Variants in FCHO2 observed in about 807,000 individuals in gnomAD.
FCHO2 encodes the protein FCH and mu domain containing endocytic adaptor 2.
A neutral mutation model predicts 114.1 loss-of-function variants in FCHO2; 43 were observed. That is an observed-to-expected ratio of 0.38 (90% CI 0.30 to 0.49). The LOEUF is 0.49. Ranked by LOEUF, FCHO2 falls within the 20% of genes least tolerant of loss-of-function variation. The probability of loss-of-function intolerance (pLI) is 0.97; values close to 1 mark genes in which losing one functional copy is unlikely to be tolerated. For missense variants in FCHO2, 807 were observed against 950.4 expected (o/e 0.85, Z 1.98); for synonymous variants, 293 against 315.2 (o/e 0.93, Z 0.75).
At chr5:73,021,116 GT>G in intron 8 of FCHO2, 1 of 787,130 alleles carries the variant, frequency 1.3e-6, no homozygotes, top group East Asian at 2.4e-5. Flanking sequence ...TTGATGACAA[GT>G]TCTGGAATCC....
At position 73,051,411 on chromosome 5, in the gene FCHO2, C is replaced by T. The variant is rs1757330379; in HGVS notation, c.997+5C>T. On this transcript the variant is annotated splice_donor_5th_base_variant and intron_variant, in intron 12 of 25. Coordinates refer to ENST00000430046, the MANE Select transcript of FCHO2 (RefSeq NM_138782.3). ...AACCAGAAACAAATCAGAATGATAT[C>T]CTTTCATCATCTAGTATTCTTAAGG... The T allele has an allele frequency of 6.6e-7, 1 of 1,506,064 alleles. No homozygotes were observed. The highest frequency in any genetic ancestry group is 9.0e-7 in the Non-Finnish European group (1 of 1,110,212). 93.3% of individuals were successfully genotyped at this position (1,506,064 alleles called of 1,614,324 possible). A position where few individuals can be genotyped will look rare whatever the true frequency, so the allele number is the denominator to read the frequency against.
At chr5:73,057,421 G>T (rs769689975) in intron 16 of FCHO2, among the ~76,000 whole-genome samples, 1 of 152,084 alleles carries the variant, frequency 6.6e-6, no homozygotes, top group African/African-American at 2.4e-5. Flanking sequence ...TATCATACGA[G>T]GTATAGTGTG....
intron 2 of FCHO2, among the ~76,000 whole-genome samples, chr5:72,971,169 A>G (rs1232580445): frequency 1.3e-5 from 2 of 152,054 alleles, no homozygotes; most frequent in Non-Finnish European, 2.9e-5. Context: ...ATACATATGC[A>G]TGTGTCTTTA....
rs561344286 is a variant in FCHO2, at chr5:73,024,595, C to A, written c.796+7287C>A. ...CTGGGATTACAGGTGCCCACCACCA[C>A]ACCTGGCTAATTTTTGTATTTTTAG... On this transcript the variant is annotated intron_variant, in intron 8 of 25. Coordinates refer to ENST00000430046, the MANE Select transcript of FCHO2 (RefSeq NM_138782.3). 2.1e-4 allele frequency among the ~76,000 whole-genome samples: 32 copies of A among 152,134 alleles called. No individual in the cohort carries two copies. In the South Asian group the frequency reaches 3.9e-3, roughly 19 times the overall value.
chr5:73,078,386 T>TAC (rs1418439531), intron 22 of FCHO2, 74 bp downstream of exon 22: 11 of 1,323,664 alleles, frequency 8.3e-6, no homozygotes, highest in Non-Finnish European at 1.0e-5. Context: ...AATGAATAAG[T>TAC]ATGTCATAGC....
intron 5 of FCHO2, among the ~76,000 whole-genome samples, chr5:73,002,176 A>G (rs923742579): frequency 2.8e-4 from 42 of 152,168 alleles, no homozygotes; most frequent in Non-Finnish European, 5.4e-4. Flanking sequence ...CATGAGAGGA[A>G]AAAAAGAAAT....
At chr5:73,049,703 C>T (rs185243209) in intron 11 of FCHO2, among the ~76,000 whole-genome samples, 1 of 152,074 alleles carries the variant, frequency 6.6e-6, no homozygotes, top group Non-Finnish European at 1.5e-5. Context: ...GACCAGAAAA[C>T]CCCTTCTTGA....
At position 73,052,327 on chromosome 5, in the gene FCHO2, C is replaced by A; in HGVS notation, c.998-5C>A. 1 of 1,599,088 alleles carries A rather than the reference C, an allele frequency of 6.3e-7. No homozygotes were observed. On this transcript the variant is annotated splice_region_variant and splice_polypyrimidine_tract_variant and intron_variant, in intron 12 of 25. Coordinates refer to ENST00000430046, the MANE Select transcript of FCHO2 (RefSeq NM_138782.3). ...TTTAAAAACAATTCTTTAACTGAAA[C>A]TCACATACCAAAGAGAACCATTTCT...
intron 1 of FCHO2, among the ~76,000 whole-genome samples, chr5:72,966,015 T>TA (rs1752179791): frequency 6.6e-6 from 1 of 152,220 alleles, no homozygotes; most frequent in Admixed American, 6.5e-5. Flanking sequence ...ACCAATTTTT[T>TA]AATCAGTAAT....
chr5:72,983,829 G>C (rs1448379794), intron 2 of FCHO2, among the ~76,000 whole-genome samples: 1 of 151,368 alleles, frequency 6.6e-6, no homozygotes, highest in Non-Finnish European at 1.5e-5. Flanking sequence ...AAGTAATGTT[G>C]CCTTGAATAG....
At chr5:73,035,972 A>G (rs1756481279) in intron 9 of FCHO2, among the ~76,000 whole-genome samples, 1 of 151,902 alleles carries the variant, frequency 6.6e-6, no homozygotes, top group African/African-American at 2.4e-5. Flanking sequence ...CCTCCCAAGT[A>G]GCCGGGATTA....
chr5:73,035,941 C>CGGAT (rs1756479707), intron 9 of FCHO2, among the ~76,000 whole-genome samples: 1 of 152,016 alleles, frequency 6.6e-6, no homozygotes, highest in African/African-American at 2.4e-5. Context: ...CCTTCTGGTT[C>CGGAT]GGATGATTCT....
chr5:73,063,697 C>A, intron 17 of FCHO2, 144 bp from the exon 18 acceptor site: 2 of 697,310 alleles, frequency 2.9e-6, no homozygotes, highest in Non-Finnish European at 2.5e-6. Context: ...CCCAATATTT[C>A]AACATCTATA....
At chr5:73,057,784 G>A (rs1381200419) in intron 16 of FCHO2, among the ~76,000 whole-genome samples, 1 of 152,120 alleles carries the variant, frequency 6.6e-6, no homozygotes, top group East Asian at 1.9e-4. Flanking sequence ...ATTTAGACGT[G>A]TGCTGCTCTT....
intron 1 of FCHO2, among the ~76,000 whole-genome samples, chr5:72,966,204 C>A (rs1752191528): frequency 6.6e-6 from 1 of 152,108 alleles, no homozygotes; most frequent in Non-Finnish European, 1.5e-5. Context: ...ATAGCGAGAC[C>A]CTGTTTCTAC....
intron 17 of FCHO2, among the ~76,000 whole-genome samples, chr5:73,060,329 T>C (rs1214388458): frequency 6.6e-6 from 1 of 151,994 alleles, no homozygotes; most frequent in African/African-American, 2.4e-5. Context: ...AAAAAAAAAG[T>C]TAATGATGCT....
At chr5:72,998,466 A>C (rs576881017) in intron 5 of FCHO2, among the ~76,000 whole-genome samples, 3 of 152,092 alleles carry the variant, frequency 2.0e-5, no homozygotes, top group African/African-American at 7.2e-5. Flanking sequence ...CAGTCTGGGC[A>C]ACAGAGCGAA....
intron 8 of FCHO2, among the ~76,000 whole-genome samples, chr5:73,033,482 A>G (rs1221481253): frequency 8.5e-5 from 13 of 152,168 alleles, no homozygotes; most frequent in African/African-American, 2.9e-4. Flanking sequence ...TTTCTTTTTT[A>G]ATGGAATGAT....
At chr5:73,035,796 C>A (rs1756470024) in intron 9 of FCHO2, among the ~76,000 whole-genome samples, 1 of 152,004 alleles carries the variant, frequency 6.6e-6, no homozygotes, top group Non-Finnish European at 1.5e-5. Flanking sequence ...GCCACCACAC[C>A]CAGTCTCTAC....
Sources: allele counts gnomAD v4.1 joint callset (sites outside exome capture counted in the v4.1 genomes callset), GRCh38; gene constraint gnomAD v4.1.1; transcripts MANE v1.5; gene names NCBI Gene and HGNC (gene_info 2026-07-23, HGNC 2026-07-21).